F13A1: variants seen among roughly 807,000 people sequenced by gnomAD.
F13A1 encodes coagulation factor XIII A chain, also known as FSF, A subunit.
A neutral mutation model predicts 80.1 loss-of-function variants in F13A1; 47 were observed. The ratio of observed to expected loss-of-function variants is 0.59; its 90% CI spans 0.46 to 0.75. The LOEUF (loss-of-function observed/expected upper bound fraction) is 0.75. Ranked by LOEUF, F13A1 falls within the 30% of genes least tolerant of loss-of-function variation. The pLI, the probability that F13A1 is intolerant of heterozygous loss-of-function variation, is 0.00. For synonymous variants in F13A1, 349 were observed against 344.9 expected (o/e 1.01, Z -0.13); for missense variants, 817 against 930.4 (o/e 0.88, Z 1.59).
chr6:6,245,569 T>G (rs1325453271), intron 6 of F13A1, among the ~76,000 whole-genome samples: 1 of 152,196 alleles, frequency 6.6e-6, no homozygotes, highest in African/African-American at 2.4e-5. Context: ...CAATTTGGGT[T>G]ATCGGTGCTT....
chr6:6,275,640 A>G (rs1013082440), intron 3 of F13A1, among the ~76,000 whole-genome samples: 3 of 152,206 alleles, frequency 2.0e-5, no homozygotes, highest in African/African-American at 7.2e-5. Context: ...ATGTGCTGGG[A>G]TTACAGGCGT....
chr6:6,180,956 A>G (rs1220070026), intron 11 of F13A1, among the ~76,000 whole-genome samples: 1 of 152,242 alleles, frequency 6.6e-6, no homozygotes, highest in Non-Finnish European at 1.5e-5. Flanking sequence ...TTTACTAAAA[A>G]TAAATACTCC....
intron 13 of F13A1, among the ~76,000 whole-genome samples, chr6:6,164,772 C>T (rs948821540): frequency 6.7e-6 from 1 of 148,826 alleles, no homozygotes; most frequent in East Asian, 2.0e-4. Flanking sequence ...TTCCCCTCCC[C>T]TCCCCTCCCT....
At chr6:6,217,009 A>T (rs1230989821) in intron 8 of F13A1, among the ~76,000 whole-genome samples, 2 of 145,706 alleles carry the variant, frequency 1.4e-5, no homozygotes, top group African/African-American at 2.6e-5. Context: ...AATGGCAATC[A>T]TTAAAAAGTC....
At chr6:6,149,894 G>A (rs577649627) in intron 14 of F13A1, among the ~76,000 whole-genome samples, 14 of 152,248 alleles carry the variant, frequency 9.2e-5, no homozygotes, top group South Asian at 4.2e-4. Flanking sequence ...CCTTTCTCCC[G>A]ATTCACTCCA....
chr6:6,218,694 G>GT (rs1757141248), intron 8 of F13A1, among the ~76,000 whole-genome samples: 1 of 152,196 alleles, frequency 6.6e-6, no homozygotes, highest in South Asian at 2.1e-4. Flanking sequence ...CCCCCCTGAG[G>GT]TGAGGCTCCC....
chr6:6,204,975 G>C (rs1189976559), intron 8 of F13A1, among the ~76,000 whole-genome samples: 1 of 152,234 alleles, frequency 6.6e-6, no homozygotes, highest in Non-Finnish European at 1.5e-5. Context: ...GATCCCTCTG[G>C]CTGGGAGCCA....
chr6:6,182,359 C>G (rs773887244), intron 10 of F13A1, among the ~76,000 whole-genome samples: 1 of 152,154 alleles, frequency 6.6e-6, no homozygotes, highest in Non-Finnish European at 1.5e-5. Context: ...TTATTTGAGG[C>G]TGAGATAATA....
chr6:6,213,069 T>C (rs1761648822), intron 8 of F13A1, among the ~76,000 whole-genome samples: 1 of 152,168 alleles, frequency 6.6e-6, no homozygotes, highest in Admixed American at 6.5e-5. Context: ...TACCTGAAAG[T>C]GACGGGGAGA....
chr6:6,251,365 C>T lies in F13A1; in HGVS notation c.572-436G>A, dbSNP rs574433687. On this transcript the variant is annotated intron_variant, in intron 4 of 14. Coordinates refer to ENST00000264870, the MANE Select transcript of F13A1 (RefSeq NM_000129.4). Reference sequence around the variant, plus strand: ...TGACTTTTAAAACAAATCTGGGACACGTGAGAAGGCCCACGTGTCATGTCT... The same window carrying T: ...TGACTTTTAAAACAAATCTGGGACATGTGAGAAGGCCCACGTGTCATGTCT... Among the ~76,000 whole-genome samples, 131 of 149,264 alleles carry T rather than the reference C, an allele frequency of 8.8e-4. No individual in the cohort carries two copies. The Middle Eastern group carries it at 0.01, about 12-fold the overall frequency.
rs142691719 is a variant in F13A1, at chr6:6,205,235, A to C, written c.1113-7909T>G. 5.0e-3 allele frequency among the ~76,000 whole-genome samples: 756 copies of C among 152,328 alleles called. 10 individuals carry two copies. Among genetic ancestry groups the C allele is most frequent in the African/African-American group, 0.017 (709 of 41,576 alleles). ...AGTCTGATATAGCACAAGAGACCTC[A>C]ATGGAGGGGGTTGCAGATGGCGGGG... On this transcript the variant is annotated intron_variant, in intron 8 of 14. Coordinates refer to ENST00000264870, the MANE Select transcript of F13A1 (RefSeq NM_000129.4).
chr6:6,171,322 C>G (rs1760769174), intron 12 of F13A1, among the ~76,000 whole-genome samples: 1 of 152,332 alleles, frequency 6.6e-6, no homozygotes, highest in Admixed American at 6.5e-5. Context: ...AACACATCGA[C>G]TCATCTCTCG....
chr6:6,308,907 T>G (rs1433128415), intron 2 of F13A1, among the ~76,000 whole-genome samples: 3 of 152,162 alleles, frequency 2.0e-5, no homozygotes, highest in Non-Finnish European at 4.4e-5. Context: ...TAATGTTATT[T>G]CTAGCAACAA....
Position 6,181,977 on chromosome 6 carries a change from T to C in F13A1, c.1459+11A>G, listed in dbSNP as rs1274469820. 2 of 1,614,006 alleles carry C rather than the reference T, an allele frequency of 1.2e-6. No individual in the cohort carries two copies. Among genetic ancestry groups the C allele is most frequent in the Non-Finnish European group, 1.7e-6 (2 of 1,179,886 alleles). The stretch of plus-strand genomic sequence containing the variant: ...GGGCAAATAAATCTTCATTCAGTGG[T>C]AGTAAATTACCTTCTTGGAATTTGT... On this transcript the variant is annotated intron_variant, in intron 11 of 14. Coordinates refer to ENST00000264870, the MANE Select transcript of F13A1 (RefSeq NM_000129.4).
chr6:6,237,792 A>C (rs1257838007), intron 6 of F13A1, among the ~76,000 whole-genome samples: 1 of 152,180 alleles, frequency 6.6e-6, no homozygotes, highest in Non-Finnish European at 1.5e-5. Flanking sequence ...TGCTGTTTTG[A>C]CTTTATATTC....
chr6:6,300,763 TC>T (rs955795851), intron 3 of F13A1, among the ~76,000 whole-genome samples: 2 of 151,348 alleles, frequency 1.3e-5, no homozygotes, highest in African/African-American at 4.9e-5. Context: ...TCTTGGCTCC[TC>T]CCCCCGAGAT....
At chr6:6,281,134 A>G (rs547727133) in intron 3 of F13A1, among the ~76,000 whole-genome samples, 22 of 152,304 alleles carry the variant, frequency 1.4e-4, no homozygotes, top group African/African-American at 5.1e-4. Flanking sequence ...AGTCTAATAA[A>G]TTCATTTTGC....
intron 12 of F13A1, 43 bp from the exon 13 acceptor site, chr6:6,167,661 G>A (rs1299037459): frequency 6.2e-7 from 1 of 1,606,306 alleles, no homozygotes; most frequent in South Asian, 1.1e-5. Context: ...CAAGACTTGA[G>A]ACAGGGTCTG....
intron 14 of F13A1, 79 bp downstream of exon 14, chr6:6,151,734 A>G (rs758340624): frequency 2.5e-6 from 4 of 1,581,274 alleles, no homozygotes; most frequent in Non-Finnish European, 3.5e-6. Context: ...GAGCAGATCT[A>G]TGTTTGGAAA....
Sources: gnomAD v4.1 joint callset for allele counts (sites outside exome capture counted in the v4.1 genomes callset) on GRCh38, gnomAD v4.1.1 for gene constraint, MANE v1.5 for transcripts, NCBI Gene and HGNC (gene_info 2026-07-23, HGNC 2026-07-21) for gene names.